Variants in GRIK2 observed in about 807,000 individuals in gnomAD.
GRIK2 encodes glutamate receptor ionotropic, kainate 2.
A neutral mutation model predicts 100.3 loss-of-function variants in GRIK2; 32 were observed. The observed-to-expected ratio is 0.32, with a 90% CI of 0.24 to 0.43. The LOEUF (loss-of-function observed/expected upper bound fraction) is 0.43, where lower values mean the gene tolerates loss of function less well. Ranked by LOEUF, GRIK2 falls within the 20% of genes least tolerant of loss-of-function variation. GRIK2 has a pLI of 1.00. For missense variants in GRIK2, 843 were observed against 1,114.9 expected (o/e 0.76, Z 3.47); for synonymous variants, 417 against 389.4 (o/e 1.07, Z -0.83).
At chr6:101,464,491 T>C (rs1582508647) in intron 2 of GRIK2, among the ~76,000 whole-genome samples, 1 of 115,750 alleles carries the variant, frequency 8.6e-6, no homozygotes, top group Non-Finnish European at 1.8e-5. Context: ...CCTTTTCTTT[T>C]TCTTTCTTTT....
chr6:101,527,722 A>G (rs1048953237), intron 2 of GRIK2, among the ~76,000 whole-genome samples: 1 of 152,154 alleles, frequency 6.6e-6, no homozygotes, highest in Non-Finnish European at 1.5e-5. Context: ...GAGCTTGTTC[A>G]AGGGCTATAC....
chr6:101,683,723 C>T (rs573187190), intron 6 of GRIK2, among the ~76,000 whole-genome samples: 64 of 152,284 alleles, frequency 4.2e-4, no homozygotes, highest in Admixed American at 2.0e-3. Flanking sequence ...TTATGAATTA[C>T]TGTATACTGT....
chr6:101,396,829 C>G (rs1310747669), intron 1 of GRIK2, among the ~76,000 whole-genome samples: 1 of 152,118 alleles, frequency 6.6e-6, no homozygotes, highest in Non-Finnish European at 1.5e-5. Flanking sequence ...TGTGCTAAAG[C>G]CTTTCAACTG....
chr6:101,575,988 A>G (rs1777769860), intron 2 of GRIK2, among the ~76,000 whole-genome samples: 1 of 152,044 alleles, frequency 6.6e-6, no homozygotes, highest in South Asian at 2.1e-4. Flanking sequence ...TCAGACAGCT[A>G]AACAACCAAG....
At chr6:101,547,243 C>T (rs2474464) in intron 2 of GRIK2, among the ~76,000 whole-genome samples, 72,728 of 151,958 alleles carry the variant, frequency 0.48, 17,753 homozygotes, top group African/African-American at 0.54. Flanking sequence ...AAAGGATGAG[C>T]GTAATATTTG....
rs137987920 is a variant in GRIK2, at chr6:101,615,367, G to A, written c.116-6582G>A. On this transcript the variant is annotated intron_variant, in intron 2 of 16. Transcript: ENST00000369134. ...AGTTCAAGGTAAGTATGAGAAAGCA[G>A]TACATTTTGCTTGTGTTGTATGGAG... 1.3e-3 allele frequency among the ~76,000 whole-genome samples: 196 copies of A among 151,860 alleles called. 1 individual carries two copies. The highest frequency in any genetic ancestry group is 4.7e-3 in the African/African-American group (194 of 41,514).
chr6:101,715,438 A>G (rs1192771042), intron 7 of GRIK2, among the ~76,000 whole-genome samples: 1 of 151,748 alleles, frequency 6.6e-6, no homozygotes, highest in Non-Finnish European at 1.5e-5. Flanking sequence ...AAGAAAGACA[A>G]GACTAATGGG....
intron 11 of GRIK2, among the ~76,000 whole-genome samples, chr6:101,882,123 G>A (rs1263637577): frequency 2.0e-5 from 3 of 151,910 alleles, no homozygotes; most frequent in African/African-American, 7.3e-5. Flanking sequence ...AGAACAGTAT[G>A]GGGGAAACCA....
chr6:101,760,698 A>ATGTTTAATTATG (rs1562364824), intron 7 of GRIK2, among the ~76,000 whole-genome samples: 1 of 118,918 alleles, frequency 8.4e-6, no homozygotes, highest in East Asian at 2.8e-4. Flanking sequence ...ATATAATTAT[A>ATGTTTAATTATG]TATAATTATA....
At chr6:101,637,610 G>T (rs750051254) in intron 4 of GRIK2, among the ~76,000 whole-genome samples, 1 of 152,144 alleles carries the variant, frequency 6.6e-6, no homozygotes, top group Non-Finnish European at 1.5e-5. Flanking sequence ...TCTACCTGAC[G>T]TAGAGAAAAG....
intron 4 of GRIK2, among the ~76,000 whole-genome samples, chr6:101,633,468 G>C (rs1209430439): frequency 1.3e-5 from 2 of 152,022 alleles, no homozygotes; most frequent in Non-Finnish European, 2.9e-5. Flanking sequence ...ATACTTCACA[G>C]GATTGTTGTT....
At chr6:102,067,701 A>G (rs946976069) in intron 16 of GRIK2, among the ~76,000 whole-genome samples, 5 of 151,920 alleles carry the variant, frequency 3.3e-5, no homozygotes, top group African/African-American at 4.8e-5. Context: ...AATGATGACA[A>G]AAAAGTTAAT....
chr6:101,405,891 C>T (rs1775568497), intron 2 of GRIK2, among the ~76,000 whole-genome samples: 1 of 152,180 alleles, frequency 6.6e-6, no homozygotes, highest in Non-Finnish European at 1.5e-5. Context: ...AAAAATCTCC[C>T]AAATTTTAAT....
chr6:101,407,564 A>C (rs1775660151), intron 2 of GRIK2, among the ~76,000 whole-genome samples: 1 of 151,978 alleles, frequency 6.6e-6, no homozygotes, highest in East Asian at 1.9e-4. Flanking sequence ...TTTCTTTCCT[A>C]GTACATTATC....
intron 2 of GRIK2, among the ~76,000 whole-genome samples, chr6:101,550,847 A>G (rs1776478597): frequency 6.6e-6 from 1 of 152,202 alleles, no homozygotes; most frequent in South Asian, 2.1e-4. Context: ...AAGTTGAGTA[A>G]CCTTGAGTAT....
chr6:102,030,756 A>G (rs1769941808), intron 14 of GRIK2, among the ~76,000 whole-genome samples: 1 of 150,990 alleles, frequency 6.6e-6, no homozygotes, highest in African/African-American at 2.4e-5. Flanking sequence ...CCTAGGACTC[A>G]TCTTATCTTC....
chr6:101,413,090 T>G (rs1444828281), intron 2 of GRIK2, among the ~76,000 whole-genome samples: 1 of 152,056 alleles, frequency 6.6e-6, no homozygotes, highest in Non-Finnish European at 1.5e-5. Flanking sequence ...CAAGGTAGTA[T>G]AGTTTGTGAG....
At chr6:101,719,968 G>T (rs1016064479) in intron 7 of GRIK2, among the ~76,000 whole-genome samples, 2 of 151,822 alleles carry the variant, frequency 1.3e-5, no homozygotes, top group South Asian at 2.1e-4. Context: ...AAAGAGAAAA[G>T]GAGAGAAAAA....
chr6:102,062,583 A>ACTT (rs1272420229), intron 16 of GRIK2, among the ~76,000 whole-genome samples: 1 of 150,584 alleles, frequency 6.6e-6, no homozygotes, highest in East Asian at 1.9e-4. Context: ...AAATAATAAA[A>ACTT]CTTTTTTTTA....
Sources: gnomAD v4.1 joint callset for allele counts (sites outside exome capture counted in the v4.1 genomes callset) on GRCh38, gnomAD v4.1.1 for gene constraint, MANE v1.5 for transcripts, NCBI Gene and HGNC (gene_info 2026-07-23, HGNC 2026-07-21) for gene names.